The following SYCE2 variants were observed in gnomAD, a reference collection of about 807,000 sequenced individuals.
SYCE2 encodes the protein central element synaptonemal complex 1.
A neutral mutation model predicts 27.9 loss-of-function variants in SYCE2; 3 were observed. The observed-to-expected ratio is 0.11, with a 90% confidence interval of 0.05 to 0.28. SYCE2 has a LOEUF of 0.28. Ranked by LOEUF, SYCE2 falls within the 10% of genes least tolerant of loss-of-function variation. SYCE2 has a pLI of 1.00. For synonymous variants in SYCE2, 85 were observed against 100.7 expected (o/e 0.84, Z 0.93); for missense variants, 207 against 263.5 (o/e 0.79, Z 1.48).
At chr19:12,916,252 GT>G (rs1407235088) in intron 2 of SYCE2, among the ~76,000 whole-genome samples, 1 of 151,952 alleles carries the variant, frequency 6.6e-6, no homozygotes, top group African/African-American at 2.4e-5. Flanking sequence ...TGTATTTTTA[GT>G]AGAAACAGGG....
At chr19:12,909,161 T>C (rs1475982927) in intron 2 of SYCE2, among the ~76,000 whole-genome samples, 1 of 152,216 alleles carries the variant, frequency 6.6e-6, no homozygotes, top group Non-Finnish European at 1.5e-5. Flanking sequence ...TTCATCTTTG[T>C]ATCTTCAGTA....
chr19:12,916,291 G>A (rs969438512), intron 2 of SYCE2, among the ~76,000 whole-genome samples: 5 of 151,840 alleles, frequency 3.3e-5, no homozygotes, highest in Admixed American at 1.3e-4. Context: ...GGCTGGTCTC[G>A]AACTCCTGAC....
intron 3 of SYCE2, among the ~76,000 whole-genome samples, chr19:12,903,386 C>A (rs1422907229): frequency 2.2e-5 from 3 of 139,342 alleles, no homozygotes; most frequent in Admixed American, 7.2e-5. Context: ...CCACCACGCC[C>A]GGCCCTCTTC....
rs746914782 is a variant in SYCE2 at position 12,904,620 on chromosome 19, A to G, written c.178T>C (p.Phe60Leu). The part of the protein sequence containing the change: ...TVLEGKSGLY[F>L]SSLDSSIDIL... ...TCAATGCTTGAGTCCAGAGAGGAGA[A>G]GTAGAGTCCCGACTTCCCTTCCAGG... The change falls in exon 3 of 6, where the codon TTC (phenylalanine) becomes CTC (leucine). Residue 60 changes from phenylalanine to leucine, a missense_variant. Phe to Leu is a conservative substitution (Grantham distance 22, BLOSUM62 0). Coordinates refer to ENST00000293695, the MANE Select transcript of SYCE2 (RefSeq NM_001105578.2). 165 of 1,613,880 alleles carry G rather than the reference A, an allele frequency of 1.0e-4. No homozygotes were observed. The highest frequency in any genetic ancestry group is 1.3e-4 in the Non-Finnish European group (153 of 1,180,000).
At chr19:12,901,219 C>T (rs540498340) in intron 3 of SYCE2, among the ~76,000 whole-genome samples, 5 of 150,048 alleles carry the variant, frequency 3.3e-5, no homozygotes, top group African/African-American at 1.2e-4. Flanking sequence ...TACACAAATA[C>T]ATAAAAACTA....
At chr19:12,899,854 G>C (rs1970795135) in intron 5 of SYCE2, 150 bp downstream of exon 5, 1 of 1,579,138 alleles carries the variant, frequency 6.3e-7, no homozygotes, top group Admixed American at 1.7e-5. Context: ...TGCTGCAGCT[G>C]ACCCCCTCAC....
At chr19:12,907,591 G>T (rs1012934902) in intron 2 of SYCE2, among the ~76,000 whole-genome samples, 1 of 151,838 alleles carries the variant, frequency 6.6e-6, no homozygotes, top group African/African-American at 2.4e-5. Flanking sequence ...AGGAGTTCGA[G>T]ATCAGCCTGG....
chr19:12,904,666 A>C lies in SYCE2; in HGVS notation c.132T>G (p.Ser44Arg). 1 of 1,613,476 alleles carries C rather than the reference A, an allele frequency of 6.2e-7. No individual in the cohort carries two copies. The highest frequency in any genetic ancestry group is 8.5e-7 in the Non-Finnish European group (1 of 1,179,944). ...CCAGGACCGTCAGCTGGCAACTGGC[A>C]CTGGAGGTGGCGACACAAGGGCAAG... The part of the protein sequence containing the change: ...CEEEAGGGPA[S>R]ASCQLTVLEG... Residue 44 changes from serine to arginine, a missense_variant and splice_region_variant, in exon 3 of 6, where the codon AGT (serine) becomes AGG (arginine). Physicochemically the swap from Ser to Arg is moderately radical, Grantham distance 110. Coordinates refer to ENST00000293695, the MANE Select transcript of SYCE2 (RefSeq NM_001105578.2).
rs77268716 is a variant in SYCE2 at position 12,910,286 on chromosome 19, A to C, written c.132-5620T>G. Among the ~76,000 whole-genome samples, 119 of 152,154 alleles carry C rather than the reference A, an allele frequency of 7.8e-4. No individual in the cohort carries two copies. In the East Asian group the frequency reaches 0.021, roughly 27 times the overall value. Reference sequence around the variant, plus strand: ...TATTTTTGTAAAAAATTTTGTAATAAATTTTATGTTAAAAAATTTTTTTTT... The same window carrying C: ...TATTTTTGTAAAAAATTTTGTAATACATTTTATGTTAAAAAATTTTTTTTT... On this transcript the variant is annotated intron_variant, in intron 2 of 5. Coordinates refer to ENST00000293695, the MANE Select transcript of SYCE2 (RefSeq NM_001105578.2).
intron 2 of SYCE2, among the ~76,000 whole-genome samples, chr19:12,909,263 C>A (rs370218571): frequency 9.7e-4 from 148 of 152,266 alleles, no homozygotes; most frequent in Middle Eastern, 3.4e-3. Flanking sequence ...TGGATTCTAT[C>A]ATCTAAATTC....
chr19:12,915,384 A>G (rs1971118931), intron 2 of SYCE2, among the ~76,000 whole-genome samples: 1 of 152,200 alleles, frequency 6.6e-6, no homozygotes, highest in Non-Finnish European at 1.5e-5. Flanking sequence ...GCGGATCATG[A>G]GGTCAGGAGA....
intron 2 of SYCE2, among the ~76,000 whole-genome samples, chr19:12,907,745 C>T (rs1206655482): frequency 6.6e-6 from 1 of 152,010 alleles, no homozygotes; most frequent in African/African-American, 2.4e-5. Context: ...GAGCTGAGAT[C>T]GTGCCACTGC....
At chr19:12,910,504 C>G (rs1971024944) in intron 2 of SYCE2, among the ~76,000 whole-genome samples, 1 of 151,838 alleles carries the variant, frequency 6.6e-6, no homozygotes, top group Non-Finnish European at 1.5e-5. Context: ...TCCTGAGTAG[C>G]TGGGACTACA....
At chr19:12,914,216 C>G (rs1480317206) in intron 2 of SYCE2, 5 of 152,238 alleles carry the variant, frequency 3.3e-5, no homozygotes, top group African/African-American at 1.2e-4. Context: ...CCACCACAAG[C>G]TGGAAAGCAG....
At chr19:12,910,101 G>A (rs577684367) in intron 2 of SYCE2, among the ~76,000 whole-genome samples, 56 of 151,576 alleles carry the variant, frequency 3.7e-4, no homozygotes, top group African/African-American at 1.3e-3. Flanking sequence ...TCCTGACCTC[G>A]TGATCTACCT....
rs747203654 is a variant in SYCE2 at position 12,919,257 on chromosome 19, TTCCGTATTTTC to T, written c.-11_-1del. On this transcript the variant is annotated 5_prime_UTR_variant, in exon 1 of 6. Coordinates refer to ENST00000293695, the MANE Select transcript of SYCE2 (RefSeq NM_001105578.2). The stretch of plus-strand genomic sequence containing the variant: ...GCGCCGCGTACTCCCTGTCGCTCCA[TTCCGTATTTTC>T]CCGCCTTCAAGCTCGCACCCTCTGC... The T allele has an allele frequency of 1.9e-6, 3 of 1,610,912 alleles. No homozygotes were observed. In the African/African-American group the frequency reaches 4.0e-5, roughly 21 times the overall value.
At position 12,918,245 on chromosome 19, in the gene SYCE2, C is replaced by T; in HGVS notation, c.108G>A (p.Glu36=). ...ACCTAGCTGGCCCTCCACCAGCTTC[C>T]TCCTCGCAGTTCTCTTCCCACCGCG... ...EHPRWEENCE[E]EAGGGPASAS... is the part of the protein sequence containing the mutation. Residue 36 remains glutamate (E), a synonymous_variant, in exon 2 of 6, where the codon GAG becomes GAA. Transcript: ENST00000293695. The T allele has an allele frequency of 6.2e-7, 1 of 1,614,194 alleles. No homozygotes were observed. The highest frequency in any genetic ancestry group is 1.3e-5 in the African/African-American group (1 of 75,054).
intron 2 of SYCE2, among the ~76,000 whole-genome samples, chr19:12,916,805 A>T (rs1033174118): frequency 6.6e-6 from 1 of 151,534 alleles, no homozygotes; most frequent in African/African-American, 2.4e-5. Flanking sequence ...TCAGAGAGAT[A>T]TGTCTCCCTC....
At chr19:12,918,380 G>A in intron 1 of SYCE2, 43 bp from the exon 2 acceptor site, 1 of 1,564,000 alleles carries the variant, frequency 6.4e-7, no homozygotes. Context: ...GGAGGATGAG[G>A]AGTGAACAGA....
Sources: allele counts gnomAD v4.1 joint callset (sites outside exome capture counted in the v4.1 genomes callset), GRCh38; gene constraint gnomAD v4.1.1; transcripts MANE v1.5; gene names NCBI Gene and HGNC (gene_info 2026-07-23, HGNC 2026-07-21).